Variants in PFDN2 observed in about 807,000 individuals in gnomAD.
PFDN2 encodes prefoldin subunit 2, also known as prefoldin 2.
A neutral mutation model predicts 18.3 loss-of-function variants in PFDN2; 7 were observed. The observed-to-expected ratio is 0.38, with a 90% confidence interval of 0.22 to 0.72. PFDN2 has a LOEUF of 0.72. Among genes scored for constraint, PFDN2 ranks in the 30% least tolerant of loss-of-function variants. PFDN2 has a pLI of 0.47. For missense variants in PFDN2, 181 were observed against 199.1 expected (o/e 0.91, Z 0.55); for synonymous variants, 76 against 75.0 (o/e 1.01, Z -0.07).
At position 161,102,122 on chromosome 1, in the gene PFDN2, G is replaced by A. The variant is rs976950860; in HGVS notation, c.214C>T (p.Arg72Cys). ...KEVDETRKCY[R>C]MVGGVLVERT... ...TCCACCAGCACTCCTCCAACCATGC[G>A]GTAGCACTTACGAGTTTCATCTACC... The change falls in exon 3 of 4, where the codon CGC becomes TGC. Residue 72 changes from arginine (R) to cysteine (C), a missense_variant. Coordinates refer to ENST00000368010, the MANE Select transcript of PFDN2 (RefSeq NM_012394.4). 9 of 1,614,016 alleles carry A rather than the reference G, an allele frequency of 5.6e-6. No individual in the cohort carries two copies. The highest frequency in any genetic ancestry group is 4.0e-5 in the African/African-American group (3 of 74,908).
At chr1:161,112,064 A>G (rs1355390366) in intron 1 of PFDN2, among the ~76,000 whole-genome samples, 6 of 152,226 alleles carry the variant, frequency 3.9e-5, no homozygotes, top group Admixed American at 3.3e-4. Flanking sequence ...ACGTCAGACC[A>G]TGACAAGTTA....
intron 1 of PFDN2, among the ~76,000 whole-genome samples, chr1:161,110,850 T>A (rs1654791070): frequency 4.7e-5 from 7 of 149,026 alleles, no homozygotes; most frequent in Admixed American, 4.7e-4. Context: ...AGACTTTTTT[T>A]TTTTTTTGAG....
At chr1:161,103,816 GA>G (rs957016033) in intron 1 of PFDN2, among the ~76,000 whole-genome samples, 2 of 150,490 alleles carry the variant, frequency 1.3e-5, no homozygotes, top group Non-Finnish European at 2.9e-5. Flanking sequence ...AATGAAACCT[GA>G]AAAATCAGAG....
rs192332138 is a variant in PFDN2 at position 161,100,972 on chromosome 1, T to C, written c.289-113A>G. 1.7e-5 allele frequency: 12 copies of C among 701,354 alleles called. No individual in the cohort carries two copies. The East Asian group carries it at 2.0e-4, about 12-fold the overall frequency. 43.4% of individuals were successfully genotyped at this position (701,354 alleles called of 1,614,324 possible). ...ACATTTAACCTTACCTTTAACCAAG[T>C]AGAGGAGCCCAGACATTAAAATTAT... On this transcript the variant is annotated intron_variant, in intron 3 of 3. Coordinates refer to ENST00000368010, the MANE Select transcript of PFDN2 (RefSeq NM_012394.4).
intron 1 of PFDN2, among the ~76,000 whole-genome samples, chr1:161,103,619 A>T (rs1311293596): frequency 7.7e-6 from 1 of 129,576 alleles, no homozygotes; most frequent in Admixed American, 9.3e-5. Flanking sequence ...CAGGAGGCGG[A>T]GGTTGCAGTG....
rs139150764 is a variant in PFDN2, at chr1:161,114,729, G to C, written c.75+3223C>G. On this transcript the variant is annotated intron_variant, in intron 1 of 3. Transcript: ENST00000368010. ...ACTCATGGGAGGTCATATATAAATA[G>C]TAAATAGTAGAAATGAAATTCAAAC... Among the ~76,000 whole-genome samples, 647 of 152,268 alleles carry C rather than the reference G, an allele frequency of 4.2e-3. 5 individuals are homozygous for C. The highest frequency in any genetic ancestry group is 0.015 in the African/African-American group (625 of 41,548).
intron 1 of PFDN2, among the ~76,000 whole-genome samples, chr1:161,110,356 G>A (rs147865758): frequency 1.7e-3 from 263 of 152,044 alleles, no homozygotes; most frequent in African/African-American, 5.9e-3. Flanking sequence ...GCAAGGCTCC[G>A]TCTCCAAAAA....
chr1:161,111,529 C>A (rs997651068), intron 1 of PFDN2, among the ~76,000 whole-genome samples: 1 of 152,162 alleles, frequency 6.6e-6, no homozygotes, highest in Non-Finnish European at 1.5e-5. Context: ...TGATTTGTGA[C>A]AACCAAAAAT....
chr1:161,115,460 T>G lies in PFDN2; in HGVS notation c.75+2492A>C, dbSNP rs189412082. On this transcript the variant is annotated intron_variant, in intron 1 of 3. Coordinates refer to ENST00000368010, the MANE Select transcript of PFDN2 (RefSeq NM_012394.4). ...ATGTGAATCATCCTTTTGCCCAGCC[T>G]ATCCATGCTGTATATGCTACCTGCC... Among the ~76,000 whole-genome samples the G allele has an allele frequency of 1.8e-4, 27 of 152,372 alleles. No homozygotes were observed. The East Asian group carries it at 5.0e-3, about 28-fold the overall frequency.
At chr1:161,106,260 C>T (rs527887814) in intron 1 of PFDN2, among the ~76,000 whole-genome samples, 1 of 152,148 alleles carries the variant, frequency 6.6e-6, no homozygotes, top group Non-Finnish European at 1.5e-5. Flanking sequence ...TCCTGTACAG[C>T]CTACAGAACC....
intron 1 of PFDN2, among the ~76,000 whole-genome samples, chr1:161,106,955 T>C (rs766792519): frequency 3.9e-5 from 6 of 152,080 alleles, no homozygotes; most frequent in Non-Finnish European, 8.8e-5. Flanking sequence ...ACCATTGGCA[T>C]GTGCCACTAT....
At chr1:161,103,472 C>T (rs546615026) in intron 1 of PFDN2, among the ~76,000 whole-genome samples, 1 of 151,386 alleles carries the variant, frequency 6.6e-6, no homozygotes, top group East Asian at 1.9e-4. Context: ...GGCAGATCAC[C>T]AGGTCAGGAG....
intron 3 of PFDN2, among the ~76,000 whole-genome samples, chr1:161,101,703 CTT>C (rs1410971007): frequency 6.6e-6 from 1 of 152,214 alleles, no homozygotes; most frequent in African/African-American, 2.4e-5. Context: ...AGCAATTCCT[CTT>C]GTCTAAGAGT....
intron 3 of PFDN2, among the ~76,000 whole-genome samples, chr1:161,101,301 G>A (rs1336217773): frequency 2.6e-5 from 4 of 151,882 alleles, no homozygotes; most frequent in African/African-American, 4.8e-5. Context: ...GCAGGTTCAC[G>A]CCATTCTCCT....
intron 3 of PFDN2, among the ~76,000 whole-genome samples, 177 bp from the exon 4 acceptor site, chr1:161,101,036 C>CTTAGAATCA (rs901098861): frequency 3.3e-5 from 5 of 152,120 alleles, no homozygotes; most frequent in African/African-American, 1.2e-4. Context: ...CTTTAATGTA[C>CTTAGAATCA]TTAGAATCAC....
At chr1:161,115,536 T>A (rs1654897093) in intron 1 of PFDN2, among the ~76,000 whole-genome samples, 1 of 152,184 alleles carries the variant, frequency 6.6e-6, no homozygotes, top group Admixed American at 6.5e-5. Flanking sequence ...TGATCTGAGA[T>A]CACCTAAAGC....
At chr1:161,100,950 T>C in intron 3 of PFDN2, 91 bp from the exon 4 acceptor site, 1 of 922,924 alleles carries the variant, frequency 1.1e-6, no homozygotes, top group Admixed American at 2.1e-5. Context: ...TGTTAACACA[T>C]TTAACCTTAC....
At chr1:161,117,691 C>G (rs1014350676) in intron 1 of PFDN2, among the ~76,000 whole-genome samples, 1 of 152,208 alleles carries the variant, frequency 6.6e-6, no homozygotes, top group African/African-American at 2.4e-5. Context: ...CCCCTCAGAC[C>G]TGTGCATCTT....
At chr1:161,113,858 T>A (rs1654856896) in intron 1 of PFDN2, among the ~76,000 whole-genome samples, 1 of 152,238 alleles carries the variant, frequency 6.6e-6, no homozygotes, top group Admixed American at 6.5e-5. Context: ...GGGACATATG[T>A]GGCTCAAATT....
Sources: gnomAD v4.1 joint callset for allele counts (sites outside exome capture counted in the v4.1 genomes callset) on GRCh38, gnomAD v4.1.1 for gene constraint, MANE v1.5 for transcripts, NCBI Gene and HGNC (gene_info 2026-07-23, HGNC 2026-07-21) for gene names.